Variants in NAV2 observed in about 807,000 individuals in gnomAD.
NAV2 encodes helicase, APC down-regulated 1.
A neutral mutation model predicts 223.2 loss-of-function variants in NAV2; 54 were observed. That is an observed-to-expected ratio of 0.24 (90% CI 0.19 to 0.30). The LOEUF is 0.30. NAV2 is among the 10% of genes least tolerant of loss of function. NAV2 has a pLI of 1.00. For synonymous variants in NAV2, 1,279 were observed against 1,239.3 expected, an observed-to-expected ratio of 1.03 and a Z score of -0.67; for missense variants, 2,806 against 3,147.5, an observed-to-expected ratio of 0.89 and a Z score of 2.60.
Position 20,049,130 on chromosome 11 carries a change from C to G in NAV2, c.4305C>G (p.Ser1435=), listed in dbSNP as rs1232583116. 2 of 1,613,798 alleles carry G rather than the reference C, an allele frequency of 1.2e-6. No individual in the cohort carries two copies. Among genetic ancestry groups the G allele is most frequent in the African/African-American group, 2.7e-5 (2 of 74,912 alleles). The change falls in exon 15 of 38, where the codon TCC becomes TCG. Residue 1435 remains serine, a synonymous_variant. Coordinates refer to ENST00000349880, the MANE Select transcript of NAV2 (RefSeq NM_145117.5). Reference sequence around the variant, plus strand: ...ATTCTTCCACTGGCCTCATCGCCTCCTCCAAGGACGACTCCTTGACTCCCT... The same window carrying G: ...ATTCTTCCACTGGCCTCATCGCCTCGTCCAAGGACGACTCCTTGACTCCCT... The part of the protein sequence containing the change: ...SHNSSTGLIA[S]SKDDSLTPFV...
chr11:19,889,160 G>A (rs1481756226), intron 5 of NAV2, among the ~76,000 whole-genome samples: 1 of 152,132 alleles, frequency 6.6e-6, no homozygotes, highest in African/African-American at 2.4e-5. Flanking sequence ...TTTGTGGATG[G>A]ACTCATCATC....
chr11:19,759,486 G>T (rs1324779490), intron 1 of NAV2, among the ~76,000 whole-genome samples: 1 of 152,158 alleles, frequency 6.6e-6, no homozygotes, highest in Non-Finnish European at 1.5e-5. Flanking sequence ...AGGAAAAATA[G>T]TCGGTGAAAG....
intron 1 of NAV2, among the ~76,000 whole-genome samples, chr11:19,694,301 G>A (rs2049264967): frequency 6.6e-6 from 1 of 152,192 alleles, no homozygotes; most frequent in Admixed American, 6.5e-5. Flanking sequence ...AATGAGCTGG[G>A]TTTTCATATA....
chr11:19,571,393 A>G (rs1339890622), intron 1 of NAV2, among the ~76,000 whole-genome samples: 4 of 152,212 alleles, frequency 2.6e-5, no homozygotes, highest in Non-Finnish European at 5.9e-5. Flanking sequence ...TGAAAGTACT[A>G]AGTGTCACTG....
chr11:19,373,300 C>T (rs1475288543), intron 1 of NAV2, among the ~76,000 whole-genome samples: 1 of 152,192 alleles, frequency 6.6e-6, no homozygotes, highest in African/African-American at 2.4e-5. Flanking sequence ...TTCACCTGTG[C>T]TCCAGCCTCA....
intron 1 of NAV2, among the ~76,000 whole-genome samples, chr11:19,422,907 T>A (rs1850676284): frequency 6.6e-6 from 1 of 152,176 alleles, no homozygotes; most frequent in Admixed American, 6.5e-5. Context: ...GCTTGTCTTC[T>A]CCTTTTAATA....
chr11:19,492,594 A>G (rs1267468567), intron 1 of NAV2, among the ~76,000 whole-genome samples: 1 of 152,144 alleles, frequency 6.6e-6, no homozygotes, highest in African/African-American at 2.4e-5. Flanking sequence ...GGGGCACAGT[A>G]TCAGCTCTGC....
At chr11:19,892,836 A>G (rs1393581587) in intron 6 of NAV2, among the ~76,000 whole-genome samples, 2 of 152,204 alleles carry the variant, frequency 1.3e-5, no homozygotes, top group African/African-American at 4.8e-5. Context: ...GGCCCCATAG[A>G]CACCCGGCTA....
At chr11:19,525,789 A>T (rs912587538) in intron 1 of NAV2, among the ~76,000 whole-genome samples, 2 of 152,108 alleles carry the variant, frequency 1.3e-5, no homozygotes, top group Non-Finnish European at 2.9e-5. Context: ...GAGATAACCT[A>T]CCTGCCCTCC....
chr11:20,111,743 C>T (rs528912473), intron 36 of NAV2, among the ~76,000 whole-genome samples: 1 of 152,334 alleles, frequency 6.6e-6, no homozygotes, highest in Admixed American at 6.5e-5. Flanking sequence ...TCTGAGACCC[C>T]AGACAGGTCT....
intron 26 of NAV2, among the ~76,000 whole-genome samples, chr11:20,084,208 CT>C (rs1006909244): frequency 1.3e-5 from 2 of 152,252 alleles, no homozygotes; most frequent in African/African-American, 4.8e-5. Context: ...AGCAATTCTC[CT>C]GTCTCAGCCT....
rs763639617 is a variant in NAV2, at chr11:19,842,728, T to C, written c.386-143T>C. On this transcript the variant is annotated intron_variant, in intron 2 of 37. Coordinates refer to ENST00000349880, the MANE Select transcript of NAV2 (RefSeq NM_145117.5). ...AGTAAGTCCTGAAGCTTGCTAGATGTGTCTCAGTATTTCACATGCCTGCAC... is the reference window on the plus strand; with the variant it reads ...AGTAAGTCCTGAAGCTTGCTAGATGCGTCTCAGTATTTCACATGCCTGCAC... 27 of 624,690 alleles carry C rather than the reference T, an allele frequency of 4.3e-5. No homozygotes were observed. The Middle Eastern group carries it at 7.7e-4, about 18-fold the overall frequency. The allele number at this position is 624,690 out of a possible 1,614,324, so 38.7% of individuals were successfully genotyped here. A position where few individuals can be genotyped will look rare whatever the true frequency, so the allele number is the denominator to read the frequency against.
intron 22 of NAV2, among the ~76,000 whole-genome samples, chr11:20,075,095 G>A (rs1051670762): frequency 2.0e-5 from 3 of 151,998 alleles, no homozygotes; most frequent in African/African-American, 7.3e-5. Flanking sequence ...TGTTTCCTTT[G>A]TCAACTATGT....
rs115857463 is a variant in NAV2, at chr11:19,602,743, G to A, written c.76-229741G>A. Among the ~76,000 whole-genome samples, 547 of 152,236 alleles carry A rather than the reference G, an allele frequency of 3.6e-3. 8 individuals carry two copies. The highest frequency in any genetic ancestry group is 0.012 in the African/African-American group (478 of 41,534). On this transcript the variant is annotated intron_variant, in intron 1 of 37. Coordinates refer to the NAV2 transcript ENST00000360655. ...CAATCTCTGCCTCTGTTTTCGCCTG[G>A]CCCCCTCCTCTGTATCTTCTCCCCT...
At chr11:19,811,924 T>C (rs1337303252) in intron 1 of NAV2, among the ~76,000 whole-genome samples, 2 of 152,248 alleles carry the variant, frequency 1.3e-5, no homozygotes, top group Non-Finnish European at 2.9e-5. Context: ...CAGATACGCG[T>C]TGTCTTTAGA....
chr11:19,550,615 C>A (rs781052126), intron 1 of NAV2, among the ~76,000 whole-genome samples: 3 of 152,228 alleles, frequency 2.0e-5, no homozygotes, highest in African/African-American at 4.8e-5. Context: ...GCACTCACTG[C>A]CACCTCTTCA....
At chr11:20,001,360 C>A (rs1044642415) in intron 11 of NAV2, among the ~76,000 whole-genome samples, 5 of 152,072 alleles carry the variant, frequency 3.3e-5, no homozygotes, top group Admixed American at 1.3e-4. Flanking sequence ...TTCCCTGTTG[C>A]TTGGCTTGAA....
chr11:19,579,100 G>A (rs1292626128), intron 1 of NAV2, among the ~76,000 whole-genome samples: 1 of 152,170 alleles, frequency 6.6e-6, no homozygotes, highest in Non-Finnish European at 1.5e-5. Flanking sequence ...TGATGTGTAC[G>A]TAGGTGGGTA....
chr11:19,881,350 C>T (rs2153092664), intron 5 of NAV2, among the ~76,000 whole-genome samples: 1 of 152,256 alleles, frequency 6.6e-6, no homozygotes, highest in Admixed American at 6.5e-5. Flanking sequence ...AGCCATTTGC[C>T]AAACCCTTTC....
Sources: gnomAD v4.1 joint callset for allele counts (sites outside exome capture counted in the v4.1 genomes callset) on GRCh38, gnomAD v4.1.1 for gene constraint, MANE v1.5 for transcripts, NCBI Gene and HGNC (gene_info 2026-07-23, HGNC 2026-07-21) for gene names.